The following GLIS3 variants were observed in gnomAD, a reference collection of about 807,000 sequenced individuals.
GLIS3 encodes the protein zinc finger protein GLIS3.
In GLIS3, 53 loss-of-function variants were observed where a neutral mutation model predicts 78.6. That is an observed-to-expected ratio of 0.67 (90% CI 0.54 to 0.85). The LOEUF is 0.85. Among genes scored for constraint, GLIS3 ranks in the 40% least tolerant of loss-of-function variants. GLIS3 has a pLI of 0.00. For missense variants in GLIS3, 1,703 were observed against 1,231.1 expected (o/e 1.38, Z -5.74); for synonymous variants, 684 against 509.9 (o/e 1.34, Z -4.60).
At chr9:4,342,073 C>G (rs769159023) in intron 2 of GLIS3, among the ~76,000 whole-genome samples, 7 of 152,176 alleles carry the variant, frequency 4.6e-5, no homozygotes, top group Non-Finnish European at 1.0e-4. Flanking sequence ...TGGATAGTTT[C>G]TTTTGCTGTG....
chr9:4,080,533 T>C (rs1354463068), intron 4 of GLIS3, among the ~76,000 whole-genome samples: 1 of 152,188 alleles, frequency 6.6e-6, no homozygotes, highest in Admixed American at 6.5e-5. Context: ...AAAGGATAAA[T>C]CACTAATGTG....
At position 3,977,174 on chromosome 9, in the gene GLIS3, C is replaced by T. The variant is rs572301354; in HGVS notation, c.1711-39985G>A. 1.3e-5 allele frequency among the ~76,000 whole-genome samples: 2 copies of T among 152,300 alleles called. No homozygotes were observed. The highest frequency in any genetic ancestry group is 1.3e-4 in the Admixed American group (2 of 15,286). Reference sequence around the variant, plus strand: ...ACCACTCGATACCGAATGCTTACAACTCCCAAGCCGGGAGAAATATTGTCA... The same window carrying T: ...ACCACTCGATACCGAATGCTTACAATTCCCAAGCCGGGAGAAATATTGTCA... On this transcript the variant is annotated intron_variant, in intron 4 of 10. Transcript: ENST00000381971. This position sits in a 1 kb window ranked among gnomAD's most constrained non-coding sequence, Gnocchi z 4.1.
chr9:4,192,799 T>C (rs1432853432), intron 2 of GLIS3, among the ~76,000 whole-genome samples: 3 of 89,718 alleles, frequency 3.3e-5, no homozygotes, highest in African/African-American at 1.1e-4. Flanking sequence ...ACAATTCTAA[T>C]ACAATATTTA....
intron 7 of GLIS3, 127 bp downstream of exon 7, chr9:3,898,564 C>T (rs763756976): frequency 2.0e-5 from 21 of 1,046,810 alleles, no homozygotes; most frequent in Non-Finnish European, 2.8e-5. Context: ...GAGCAATTTG[C>T]AGCCCATTGA....
the GLIS3 span, among the ~76,000 whole-genome samples, chr9:4,460,169 C>T: frequency 6.6e-6 from 1 of 151,996 alleles, no homozygotes; most frequent in African/African-American, 2.4e-5. Context: ...AGTGGGGAAT[C>T]TCATGCTGTC....
intron 8 of GLIS3, among the ~76,000 whole-genome samples, chr9:3,872,467 G>A (rs1008622204): frequency 5.9e-5 from 9 of 152,232 alleles, no homozygotes; most frequent in African/African-American, 2.2e-4. Flanking sequence ...ACTTACATGT[G>A]GTTGGGGAAG....
intron 4 of GLIS3, among the ~76,000 whole-genome samples, chr9:4,064,169 G>A (rs1022558601): frequency 3.3e-5 from 5 of 152,044 alleles, no homozygotes; most frequent in African/African-American, 1.2e-4. Context: ...ATTTAATTAT[G>A]CTGAGAAAAC....
the GLIS3 span, among the ~76,000 whole-genome samples, chr9:4,397,151 G>A: frequency 0.053 from 7,067 of 134,584 alleles, 779 homozygotes; most frequent in East Asian, 0.25. Flanking sequence ...TCAGCCTCCC[G>A]AGTAGCTGGG....
At chr9:4,200,527 A>G (rs1819283736) in intron 2 of GLIS3, among the ~76,000 whole-genome samples, 1 of 152,168 alleles carries the variant, frequency 6.6e-6, no homozygotes, top group Admixed American at 6.5e-5. Context: ...TATTATGAAC[A>G]CCTCTATGCA....
chr9:4,118,712 G>C lies in GLIS3; in HGVS notation c.766C>G (p.Pro256Ala), dbSNP rs376827114. The C allele has an allele frequency of 1.5e-5, 24 of 1,613,978 alleles. No individual in the cohort carries two copies. In the African/African-American group the frequency reaches 3.1e-4, roughly 21 times the overall value. The change falls in exon 4 of 11, where the codon CCC becomes GCC. Residue 256 changes from proline (P) to alanine (A), a missense_variant. By Grantham distance (27) the Pro-to-Ala change is conservative (BLOSUM62 -1). Transcript: ENST00000381971. This position sits in a 1 kb window ranked among gnomAD's most constrained non-coding sequence, Gnocchi z 4.7. ...CTATTGCTGGACATGGATGTCCCGG[G>C]AGGAAGGCTAAGGAGATCCCCTAGA... ...LDLGDLLSLP[P>A]GTSMSSNSVS...
At chr9:4,097,168 C>A (rs1035346683) in intron 4 of GLIS3, among the ~76,000 whole-genome samples, 12 of 152,304 alleles carry the variant, frequency 7.9e-5, no homozygotes, top group Admixed American at 3.9e-4. Flanking sequence ...ACATCTCCAA[C>A]TTGTTGGGGC....
At chr9:4,378,732 T>C in the GLIS3 span, among the ~76,000 whole-genome samples, 1 of 152,158 alleles carries the variant, frequency 6.6e-6, no homozygotes, top group Non-Finnish European at 1.5e-5. Flanking sequence ...AAGGCACATA[T>C]TATTTCTTGG....
chr9:3,917,617 T>C (rs1174651439), intron 6 of GLIS3, among the ~76,000 whole-genome samples: 1 of 151,696 alleles, frequency 6.6e-6, no homozygotes, highest in Non-Finnish European at 1.5e-5. Context: ...TTTTTTTCAA[T>C]GCTCTCTACT....
At chr9:4,409,954 A>C in the GLIS3 span, among the ~76,000 whole-genome samples, 1 of 152,258 alleles carries the variant, frequency 6.6e-6, no homozygotes, top group South Asian at 2.1e-4. Context: ...TGTGGTTTAA[A>C]AACTAGGTTT....
rs575605391 is a variant in GLIS3, at chr9:4,128,615, A to G, written c.389-2674T>C. ...ACCATTTTTCAAAAAGCAGAAACAA[A>G]AAAACTCCAAGTCAATCCTTTGATG... is the stretch of plus-strand genomic sequence containing the variant. On this transcript the variant is annotated intron_variant, in intron 2 of 10. Transcript: ENST00000381971. Among the ~76,000 whole-genome samples the G allele has an allele frequency of 2.5e-4, 38 of 152,342 alleles. No individual in the cohort carries two copies. In the South Asian group the frequency reaches 7.3e-3, roughly 29 times the overall value.
intron 2 of GLIS3, among the ~76,000 whole-genome samples, chr9:4,338,072 G>A (rs1307325892): frequency 6.7e-6 from 1 of 148,438 alleles, no homozygotes; most frequent in Non-Finnish European, 1.5e-5. Context: ...GTTTAGTTTT[G>A]AAATGCAAAA....
At position 4,286,063 on chromosome 9, in the gene GLIS3, G is replaced by C; in HGVS notation, c.363C>G (p.Ser121Arg). ...TLKPKQQEFG[S>R]PFPPNPGKGA... Reference sequence around the variant, plus strand: ...CTTTCCCAGGATTTGGAGGAAAAGGGCTTCCAAACTCCTGCTGCTTTGGCT... The same window carrying C: ...CTTTCCCAGGATTTGGAGGAAAAGGCCTTCCAAACTCCTGCTGCTTTGGCT... The change falls in exon 2 of 11, where the codon AGC becomes AGG. Residue 121 changes from serine (S) to arginine (R), a missense_variant. By Grantham distance (110) the Ser-to-Arg change is moderately radical. Transcript: ENST00000381971. 6.2e-7 allele frequency: 1 copy of C among 1,613,824 alleles called. No homozygotes were observed. The highest frequency in any genetic ancestry group is 8.5e-7 in the Non-Finnish European group (1 of 1,179,884).
At chr9:4,051,065 A>G (rs1825716040) in intron 4 of GLIS3, among the ~76,000 whole-genome samples, 1 of 152,192 alleles carries the variant, frequency 6.6e-6, no homozygotes, top group Admixed American at 6.5e-5. Flanking sequence ...GACTGTCTGA[A>G]AGCATCCATT....
intron 6 of GLIS3, among the ~76,000 whole-genome samples, chr9:3,913,410 C>G (rs868176865): frequency 6.6e-6 from 1 of 152,226 alleles, no homozygotes; most frequent in Non-Finnish European, 1.5e-5. Flanking sequence ...TTACCTACAG[C>G]TCAAATTCAT....
Sources: allele counts gnomAD v4.1 joint callset (sites outside exome capture counted in the v4.1 genomes callset), GRCh38; gene constraint gnomAD v4.1.1; non-coding constraint Gnocchi (gnomAD v3.1); transcripts MANE v1.5; gene names NCBI Gene and HGNC (gene_info 2026-07-23, HGNC 2026-07-21).